Variants in FHDC1 observed in about 807,000 individuals in gnomAD.
The protein encoded by FHDC1 is FH2 domain containing 1, also known as FH2 domain-containing protein 1.
FHDC1 carries 25 observed loss-of-function variants against 52.6 expected under a neutral mutation model. The observed-to-expected ratio is 0.48, with a 90% CI of 0.35 to 0.66. The LOEUF (loss-of-function observed/expected upper bound fraction) is 0.66. FHDC1 is among the 30% of genes least tolerant of loss of function. The probability of loss-of-function intolerance (pLI) is 0.01; values close to 1 mark genes in which losing one functional copy is unlikely to be tolerated. For synonymous variants in FHDC1, 616 were observed against 581.5 expected, an observed-to-expected ratio of 1.06 and a Z score of -0.85; for missense variants, 1,459 against 1,452.8, an observed-to-expected ratio of 1.00 and a Z score of -0.07.
At chr4:152,962,741 ATGTGGTAGCTGTCTTT>A in intron 6 of FHDC1, 57 bp from the exon 7 acceptor site, 1 of 1,241,168 alleles carries the variant, frequency 8.1e-7, no homozygotes, top group Non-Finnish European at 1.2e-6. Flanking sequence ...TTGAACTTGG[ATGTGGTAGCTGTCTTT>A]TGTGCATTTG....
At chr4:152,924,128 C>T in the FHDC1 span, among the ~76,000 whole-genome samples, 3 of 151,854 alleles carry the variant, frequency 2.0e-5, no homozygotes, top group Admixed American at 1.3e-4. Flanking sequence ...GGCTAATATC[C>T]AGAATCTACA....
chr4:152,931,960 A>C (rs996115011), upstream of FHDC1, among the ~76,000 whole-genome samples: 46 of 151,112 alleles, frequency 3.0e-4, no homozygotes, highest in Admixed American at 1.9e-3. Context: ...AAAAAAAAAA[A>C]AAAACTTCAA....
At chr4:152,956,525 C>T (rs1359574267) in intron 4 of FHDC1, among the ~76,000 whole-genome samples, 1 of 152,080 alleles carries the variant, frequency 6.6e-6, no homozygotes, top group Non-Finnish European at 1.5e-5. Flanking sequence ...TTTAAAAGAA[C>T]TTTGTATTTT....
the FHDC1 span, chr4:152,927,560 G>C: frequency 6.4e-7 from 1 of 1,559,764 alleles, no homozygotes; most frequent in Non-Finnish European, 8.8e-7. Context: ...TCGAAAACCT[G>C]AAGATTCAGA....
At chr4:152,962,745 G>A (rs1579096474) in intron 6 of FHDC1, 69 bp from the exon 7 acceptor site, 1 of 1,285,658 alleles carries the variant, frequency 7.8e-7, no homozygotes, top group Non-Finnish European at 1.1e-6. Context: ...ACTTGGATGT[G>A]GTAGCTGTCT....
chr4:152,961,203 C>T (rs1031601215), intron 6 of FHDC1, among the ~76,000 whole-genome samples: 33 of 149,300 alleles, frequency 2.2e-4, no homozygotes, highest in African/African-American at 7.4e-4. Context: ...ACACAAAGCC[C>T]GGGCCCCTGG....
the FHDC1 span, among the ~76,000 whole-genome samples, chr4:152,923,378 A>G: frequency 6.6e-6 from 1 of 152,230 alleles, no homozygotes; most frequent in African/African-American, 2.4e-5. Context: ...GAAATGGAAG[A>G]ACATTCCATG....
At chr4:152,957,053 A>G (rs987491991) in intron 4 of FHDC1, among the ~76,000 whole-genome samples, 2 of 152,102 alleles carry the variant, frequency 1.3e-5, no homozygotes, top group Admixed American at 1.3e-4. Context: ...CCAACCCTGG[A>G]GTCTTTGGGT....
At chr4:152,959,997 T>C (rs1740226821) in intron 4 of FHDC1, among the ~76,000 whole-genome samples, 1 of 152,194 alleles carries the variant, frequency 6.6e-6, no homozygotes, top group Non-Finnish European at 1.5e-5. Context: ...AGCAGATGCG[T>C]ACTCACCTGA....
intron 8 of FHDC1, among the ~76,000 whole-genome samples, chr4:152,963,765 C>CTTTTTTTT (rs1561211172): frequency 3.9e-5 from 2 of 50,874 alleles, no homozygotes; most frequent in African/African-American, 1.4e-4. Flanking sequence ...CTATCCATTG[C>CTTTTTTTT]TTTGTTTTTT....
chr4:152,959,639 G>A (rs1740213169), intron 4 of FHDC1, among the ~76,000 whole-genome samples: 1 of 152,136 alleles, frequency 6.6e-6, no homozygotes, highest in African/African-American at 2.4e-5. Context: ...GGCCTCAAGT[G>A]ATCCTTCTGC....
chr4:152,924,259 A>C, the FHDC1 span, among the ~76,000 whole-genome samples: 1 of 152,208 alleles, frequency 6.6e-6, no homozygotes, highest in Non-Finnish European at 1.5e-5. Context: ...ACATGAAAAA[A>C]TGCTCACCAT....
At chr4:152,928,107 G>A in the FHDC1 span, 8 of 1,130,250 alleles carry the variant, frequency 7.1e-6, no homozygotes, top group African/African-American at 1.5e-5. Flanking sequence ...TACTCTGGGA[G>A]CAGCAACTCT....
chr4:152,971,009 G>A (rs2149959483), intron 10 of FHDC1, among the ~76,000 whole-genome samples: 1 of 152,246 alleles, frequency 6.6e-6, no homozygotes, highest in South Asian at 2.1e-4. Context: ...CATGATACAT[G>A]TGATTTCATA....
At chr4:152,960,489 G>A in intron 4 of FHDC1, 76 bp from the exon 5 acceptor site, 1 of 1,221,120 alleles carries the variant, frequency 8.2e-7, no homozygotes, top group South Asian at 1.4e-5. Flanking sequence ...AGAAGAATTG[G>A]AAGATGAAAT....
chr4:152,955,823 T>C (rs1740067300), intron 4 of FHDC1, among the ~76,000 whole-genome samples: 1 of 152,224 alleles, frequency 6.6e-6, no homozygotes, highest in South Asian at 2.1e-4. Flanking sequence ...TATGTTATCC[T>C]TTTCACAGGC....
intron 9 of FHDC1, among the ~76,000 whole-genome samples, chr4:152,967,576 T>C (rs918549457): frequency 2.0e-5 from 3 of 152,256 alleles, no homozygotes; most frequent in Non-Finnish European, 4.4e-5. Context: ...TCAACATATA[T>C]TGCCTTGCTT....
chr4:152,971,771 C>T (rs1015007849), intron 10 of FHDC1, among the ~76,000 whole-genome samples: 10 of 152,200 alleles, frequency 6.6e-5, no homozygotes, highest in African/African-American at 1.7e-4. Context: ...CCTGTGAAAT[C>T]GAACGGGAGG....
At position 152,943,159 on chromosome 4, in the gene FHDC1, T is replaced by TCCTCCA. The variant is rs1739622852; in HGVS notation, c.108_113dup (p.Pro42_Pro43dup). The TCCTCCA allele has an allele frequency of 6.2e-7, 1 of 1,612,900 alleles. No homozygotes were observed. Among genetic ancestry groups the TCCTCCA allele is most frequent in the Admixed American group, 1.7e-5 (1 of 59,934 alleles). ...TTGGGCAGACACCTCCTCCAGCACC[T>TCCTCCA]CCTCCACCTCCTCCTCCACCCCCTC... On this transcript the variant is annotated inframe_insertion, in exon 2 of 12. Transcript: ENST00000511601.
Sources: allele counts gnomAD v4.1 joint callset (sites outside exome capture counted in the v4.1 genomes callset), GRCh38; gene constraint gnomAD v4.1.1; transcripts MANE v1.5; gene names NCBI Gene and HGNC (gene_info 2026-07-23, HGNC 2026-07-21).